Variants in CDYL observed in about 807,000 individuals in gnomAD.
CDYL encodes the protein chromodomain Y like.
A neutral mutation model predicts 47.3 loss-of-function variants in CDYL; 8 were observed. The ratio of observed to expected loss-of-function variants is 0.17; its 90% confidence interval spans 0.10 to 0.31. The LOEUF is 0.31. Ranked by LOEUF, CDYL falls within the 10% of genes least tolerant of loss-of-function variation. The pLI is 1.00. For synonymous variants in CDYL, 266 were observed against 265.0 expected (o/e 1.00, Z -0.04); for missense variants, 471 against 701.4 (o/e 0.67, Z 3.71).
chr6:4,772,026 C>T (rs150782538), upstream of CDYL, among the ~76,000 whole-genome samples: 333 of 152,266 alleles, frequency 2.2e-3, 4 homozygotes, highest in African/African-American at 7.4e-3. Context: ...AAAAGTTCAA[C>T]AAGTACATAT....
At chr6:4,905,268 A>G (rs2326553) in intron 2 of CDYL, among the ~76,000 whole-genome samples, 15,885 of 152,030 alleles carry the variant, frequency 0.1, 1,460 homozygotes, top group African/African-American at 0.25. Flanking sequence ...CCCACTCAGG[A>G]ATTCTCGTTG....
rs113674122 is a variant in CDYL at position 4,853,876 on chromosome 6, T to A, written c.25-37837T>A. Reference sequence around the variant, plus strand: ...GGCAGGCACCTCTTAGCTGGCCTCGTGTGCTCCCGTGCCTTCGCACACCTT... The same window carrying A: ...GGCAGGCACCTCTTAGCTGGCCTCGAGTGCTCCCGTGCCTTCGCACACCTT... On this transcript the variant is annotated intron_variant, in intron 1 of 6. Transcript: ENST00000397588. 7.7e-3 allele frequency among the ~76,000 whole-genome samples: 1,178 copies of A among 152,362 alleles called. 15 individuals are homozygous for A. The highest frequency in any genetic ancestry group is 0.027 in the African/African-American group (1,135 of 41,588).
intron 1 of CDYL, among the ~76,000 whole-genome samples, chr6:4,821,716 C>A (rs55653939): frequency 0.34 from 50,730 of 149,776 alleles, 11,416 homozygotes; most frequent in African/African-American, 0.65. Context: ...AGCCTGGGCT[C>A]TAGAGCAAGA....
At chr6:4,901,700 ATT>A (rs1410632490) in intron 2 of CDYL, among the ~76,000 whole-genome samples, 1 of 152,172 alleles carries the variant, frequency 6.6e-6, no homozygotes, top group Admixed American at 6.5e-5. Flanking sequence ...AGCGTAATTG[ATT>A]TTATTAAGTA....
At chr6:4,732,278 T>C (rs2127414152) in intron 2 of CDYL, among the ~76,000 whole-genome samples, 1 of 151,650 alleles carries the variant, frequency 6.6e-6, no homozygotes, top group African/African-American at 2.4e-5. Context: ...GCAAATGTAG[T>C]GAGCTCTGAT....
At chr6:4,748,986 T>C (rs1757942533) in intron 3 of CDYL, among the ~76,000 whole-genome samples, 1 of 152,206 alleles carries the variant, frequency 6.6e-6, no homozygotes, top group African/African-American at 2.4e-5. Context: ...ACACAGAGGA[T>C]GGAAGTGACT....
intron 2 of CDYL, among the ~76,000 whole-genome samples, chr6:4,905,510 G>A (rs985292339): frequency 6.6e-6 from 1 of 152,294 alleles, no homozygotes; most frequent in Non-Finnish European, 1.5e-5. Flanking sequence ...CAGGGGCAGT[G>A]GGGGGATATT....
intron 1 of CDYL, among the ~76,000 whole-genome samples, chr6:4,851,856 C>G (rs1333307464): frequency 2.0e-5 from 3 of 152,184 alleles, no homozygotes; most frequent in East Asian, 3.9e-4. Flanking sequence ...AGTGCTGAAT[C>G]TACCAGCCCC....
intron 1 of CDYL, among the ~76,000 whole-genome samples, chr6:4,848,643 T>C (rs2127462321): frequency 6.6e-6 from 1 of 152,370 alleles, no homozygotes; most frequent in South Asian, 2.1e-4. Flanking sequence ...AGAGGAATTC[T>C]TCCTAGGGAG....
At chr6:4,726,486 C>T (rs1039818824) in intron 2 of CDYL, among the ~76,000 whole-genome samples, 15 of 148,874 alleles carry the variant, frequency 1.0e-4, no homozygotes, top group African/African-American at 3.7e-4. Context: ...AAGCCAAGAT[C>T]GCACCATTGC....
chr6:4,737,750 C>A (rs1356691698), intron 3 of CDYL, among the ~76,000 whole-genome samples: 1 of 152,078 alleles, frequency 6.6e-6, no homozygotes, highest in African/African-American at 2.4e-5. Flanking sequence ...TGGTCTCGAT[C>A]TCTTGACCTC....
chr6:4,894,227 A>G (rs769075888), intron 2 of CDYL, among the ~76,000 whole-genome samples: 62 of 152,346 alleles, frequency 4.1e-4, no homozygotes, highest in Middle Eastern at 3.4e-3. Flanking sequence ...AAGGGGAACC[A>G]GAGCGCGTGC....
chr6:4,766,092 G>T (rs1278846590), intron 3 of CDYL, among the ~76,000 whole-genome samples: 1 of 152,114 alleles, frequency 6.6e-6, no homozygotes, highest in East Asian at 1.9e-4. Context: ...TATTATTAGA[G>T]ATCCTACAAA....
chr6:4,856,766 C>T (rs1761020890), intron 1 of CDYL, among the ~76,000 whole-genome samples: 1 of 152,188 alleles, frequency 6.6e-6, no homozygotes, highest in Admixed American at 6.5e-5. Flanking sequence ...TTCAGGATCT[C>T]AACTTGGGGC....
chr6:4,795,228 T>A (rs929535936), intron 1 of CDYL, among the ~76,000 whole-genome samples: 1 of 152,182 alleles, frequency 6.6e-6, no homozygotes, highest in African/African-American at 2.4e-5. Context: ...AATATGTTTC[T>A]GCATTTATTG....
chr6:4,904,662 C>T (rs1315591903), intron 2 of CDYL, among the ~76,000 whole-genome samples: 1 of 152,150 alleles, frequency 6.6e-6, no homozygotes, highest in Non-Finnish European at 1.5e-5. Context: ...ACACTAGGTT[C>T]TCAAATATAC....
At chr6:4,723,619 G>A (rs909393190) in intron 2 of CDYL, among the ~76,000 whole-genome samples, 3 of 152,120 alleles carry the variant, frequency 2.0e-5, no homozygotes, top group African/African-American at 7.2e-5. Flanking sequence ...CCACCCTACA[G>A]ACTAGCACTG....
intron 1 of CDYL, among the ~76,000 whole-genome samples, chr6:4,885,880 G>C (rs1428330318): frequency 6.6e-6 from 1 of 152,122 alleles, no homozygotes; most frequent in Non-Finnish European, 1.5e-5. Flanking sequence ...AAGAAATCTA[G>C]TATCCATTAG....
intron 2 of CDYL, among the ~76,000 whole-genome samples, chr6:4,906,604 A>G (rs910946526): frequency 6.6e-6 from 1 of 152,196 alleles, no homozygotes; most frequent in Non-Finnish European, 1.5e-5. Flanking sequence ...CCACTCTTTT[A>G]TTATGGACTT....
Sources: allele counts gnomAD v4.1 joint callset (sites outside exome capture counted in the v4.1 genomes callset), GRCh38; gene constraint gnomAD v4.1.1; transcripts MANE v1.5; gene names NCBI Gene and HGNC (gene_info 2026-07-23, HGNC 2026-07-21).